The following GAS6 variants were observed in gnomAD, a reference collection of about 807,000 sequenced individuals.
The protein encoded by GAS6 is growth arrest specific 6.
In GAS6, 41 loss-of-function variants were observed where a neutral mutation model predicts 75.8. That is an observed-to-expected ratio of 0.54 (90% CI 0.42 to 0.70). The LOEUF is 0.70. Ranked by LOEUF, GAS6 falls within the 30% of genes least tolerant of loss-of-function variation. GAS6 has a pLI of 0.00. For synonymous variants in GAS6, 432 were observed against 412.6 expected (o/e 1.05, Z -0.57); for missense variants, 854 against 940.2 (o/e 0.91, Z 1.20).
intron 4 of GAS6, chr13:113,843,189 C>T (rs1594204282): frequency 4.2e-6 from 1 of 240,940 alleles, no homozygotes; most frequent in Middle Eastern, 1.2e-3. Context: ...CCGCCCACCT[C>T]CCTGATCCCC....
intron 13 of GAS6, 175 bp from the exon 14 acceptor site, chr13:113,822,361 A>C: frequency 4.0e-6 from 2 of 495,988 alleles, no homozygotes; most frequent in Non-Finnish European, 7.0e-6. Flanking sequence ...CCCCCACCCC[A>C]CCTGGGGCTC....
chr13:113,834,438 C>T, intron 8 of GAS6, 113 bp downstream of exon 8: 1 of 1,132,942 alleles, frequency 8.8e-7, no homozygotes, highest in Non-Finnish European at 1.2e-6. Context: ...CCTGGAGATC[C>T]CCAACACCTT....
chr13:113,824,653 C>T (rs2051511091), intron 12 of GAS6, among the ~76,000 whole-genome samples: 1 of 152,178 alleles, frequency 6.6e-6, no homozygotes, highest in African/African-American at 2.4e-5. Context: ...CCTCGCACTG[C>T]AGGCCAAGGT....
At chr13:113,860,737 G>A (rs1031758537) in intron 2 of GAS6, among the ~76,000 whole-genome samples, 2 of 152,180 alleles carry the variant, frequency 1.3e-5, no homozygotes, top group Non-Finnish European at 2.9e-5. Flanking sequence ...GCCCAGCCTG[G>A]AGGAATGTCG....
chr13:113,855,047 A>G lies in GAS6; in HGVS notation c.256-6997T>C, dbSNP rs546257949. On this transcript the variant is annotated intron_variant, in intron 2 of 14. Coordinates refer to ENST00000327773, the MANE Select transcript of GAS6 (RefSeq NM_000820.4). ...AGAGGAAGTGGGATGTCTCACTGCA[A>G]ATGCTTTGGGAAAAACAAGACAGTG... 1.2e-4 allele frequency among the ~76,000 whole-genome samples: 18 copies of G among 152,358 alleles called. No homozygotes were observed. In the South Asian group the frequency reaches 3.7e-3, roughly 32 times the overall value.
Position 113,820,550 on chromosome 13 carries a change from T to G in GAS6, c.*314A>C, listed in dbSNP as rs1019404239. The G allele has an allele frequency of 9.7e-5, 33 of 341,772 alleles. No homozygotes were observed. Among genetic ancestry groups the G allele is most frequent in the Non-Finnish European group, 1.6e-4 (29 of 185,474 alleles). 21.2% of individuals were successfully genotyped at this position (341,772 alleles called of 1,614,324 possible). ...GGAGCAGATGACGGCCACGCGGTGT[T>G]ACAAAGCTTTCTGTAAATATTTTAT... On this transcript the variant is annotated 3_prime_UTR_variant, in exon 15 of 15. Coordinates refer to ENST00000327773, the MANE Select transcript of GAS6 (RefSeq NM_000820.4).
chr13:113,861,038 G>A (rs2051967133), intron 2 of GAS6, among the ~76,000 whole-genome samples: 1 of 151,934 alleles, frequency 6.6e-6, no homozygotes, highest in Non-Finnish European at 1.5e-5. Context: ...AGGGGTGCCG[G>A]GCTTAGTATC....
chr13:113,821,190 G>A, intron 14 of GAS6, 172 bp from the exon 15 acceptor site: 2 of 676,836 alleles, frequency 3.0e-6, no homozygotes, highest in South Asian at 3.7e-5. Context: ...AGACCCGGCA[G>A]ACAAGCAGGA....
rs1376635359 is a variant in GAS6 at position 113,836,683 on chromosome 13, G to A, written c.590-1048C>T. On this transcript the variant is annotated intron_variant, in intron 6 of 14. Coordinates refer to ENST00000327773, the MANE Select transcript of GAS6 (RefSeq NM_000820.4). ...AGGAGGAGGGGGAAAAAGAGGAGGG[G>A]GAATGAGGAGGAAGAAGAGGGGAAT... is the stretch of plus-strand genomic sequence containing the variant. Among the ~76,000 whole-genome samples, 3 of 1,936 alleles carry A rather than the reference G, an allele frequency of 1.5e-3. 1 individual carries two copies. The highest frequency in any genetic ancestry group is 0.011 in the African/African-American group (3 of 282). 1.3% of individuals were successfully genotyped at this position (1,936 alleles called of 152,430 possible). A position where few individuals can be genotyped will look rare whatever the true frequency, so the allele number is the denominator to read the frequency against.
intron 2 of GAS6, among the ~76,000 whole-genome samples, chr13:113,860,133 T>A (rs894161435): frequency 6.6e-6 from 1 of 152,050 alleles, no homozygotes; most frequent in Non-Finnish European, 1.5e-5. Flanking sequence ...AGAGAGAGAC[T>A]GGGACAGAGA....
In GAS6 at chr13:113,820,823, C is replaced by G. The variant is rs746495396; in HGVS notation, c.*41G>C. On this transcript the variant is annotated 3_prime_UTR_variant, in exon 15 of 15. Coordinates refer to ENST00000327773, the MANE Select transcript of GAS6 (RefSeq NM_000820.4). ...GAGCCCCCAGGCTCCTCCCGGCTGT[C>G]TCGGACAGAGACTGAGAAGCCTGCC... The G allele has an allele frequency of 5.0e-6, 8 of 1,594,668 alleles. No homozygotes were observed. The South Asian group carries it at 6.6e-5, about 13-fold the overall frequency.
intron 4 of GAS6, chr13:113,840,702 A>G (rs2051766031): frequency 6.6e-6 from 1 of 152,290 alleles, no homozygotes; most frequent in Non-Finnish European, 1.5e-5. Context: ...CCGGAGCTCA[A>G]AGAATCCTTT....
intron 6 of GAS6, chr13:113,835,869 G>T: frequency 7.4e-7 from 1 of 1,359,558 alleles, no homozygotes; most frequent in Non-Finnish European, 9.5e-7. Context: ...CAGCCCAGCA[G>T]GTGGAGAGCT....
In GAS6 at chr13:113,821,216, G is replaced by C. The variant is rs560143482; in HGVS notation, c.1883-198C>G. 6.9e-4 allele frequency: 417 copies of C among 608,364 alleles called. 1 individual carries two copies. In the African/African-American group the frequency reaches 7.2e-3, roughly 11 times the overall value. 37.7% of individuals were successfully genotyped at this position (608,364 alleles called of 1,614,324 possible). A position where few individuals can be genotyped will look rare whatever the true frequency, so the allele number is the denominator to read the frequency against. On this transcript the variant is annotated intron_variant, in intron 14 of 14. Transcript: ENST00000327773. The stretch of plus-strand genomic sequence containing the variant: ...ACAAGCAGGAGGCATCTGCCAGCCT[G>C]GGCTCTGCAGACGCCAGCCCTCCCT...
chr13:113,839,972 A>C (rs1016568707), intron 4 of GAS6, 122 bp from the exon 5 acceptor site: 92 of 1,414,076 alleles, frequency 6.5e-5, no homozygotes, highest in Non-Finnish European at 8.8e-6. Flanking sequence ...TGAGGGGCGC[A>C]GGCTGAGGCA....
rs1230808562 is a variant in GAS6 at position 113,863,477 on chromosome 13, C to T, written c.255+98G>A. 14 of 1,234,912 alleles carry T rather than the reference C, an allele frequency of 1.1e-5. No homozygotes were observed. Among genetic ancestry groups the T allele is most frequent in the Non-Finnish European group, 1.3e-5 (12 of 955,194 alleles). The allele number at this position is 1,234,912 out of a possible 1,614,324, so 76.5% of individuals were successfully genotyped here. A position where few individuals can be genotyped will look rare whatever the true frequency, so the allele number is the denominator to read the frequency against. On this transcript the variant is annotated intron_variant, in intron 2 of 14. Transcript: ENST00000327773. This position sits in a 1 kb window ranked among gnomAD's most constrained non-coding sequence, Gnocchi z 9.4. Reference sequence around the variant, plus strand: ...GGGACCCTGAGGCCAGGCCTCGCCGCGCGGAGCTGGGGGGCGGCAGCAGCG... The same window carrying T: ...GGGACCCTGAGGCCAGGCCTCGCCGTGCGGAGCTGGGGGGCGGCAGCAGCG...
intron 2 of GAS6, among the ~76,000 whole-genome samples, chr13:113,851,011 A>G (rs2051869000): frequency 6.6e-6 from 1 of 152,018 alleles, no homozygotes; most frequent in Non-Finnish European, 1.5e-5. Flanking sequence ...GAATCAGTGG[A>G]TGAATGAGTG....
rs754031122 is a variant in GAS6, at chr13:113,823,390, C to T, written c.1638G>A (p.Lys546=). 1.2e-6 allele frequency: 2 copies of T among 1,610,982 alleles called. No homozygotes were observed. Among genetic ancestry groups the T allele is most frequent in the East Asian group, 4.5e-5 (2 of 44,804 alleles). ...SVALVDYHST[K]KLKKQLVVLA... ...GAGGCCCTACCTGCTTCTTGAGTTT[C>T]TTCGTGGAGTGATAGTCTACCAGTG... The change falls in exon 13 of 15, where the codon AAG becomes AAA. Residue 546 remains lysine, a synonymous_variant. Transcript: ENST00000327773.
chr13:113,838,326 G>T, intron 5 of GAS6, 135 bp from the exon 6 acceptor site: 1 of 1,070,636 alleles, frequency 9.3e-7, no homozygotes, highest in Non-Finnish European at 1.4e-6. Context: ...CAGCCCTGGA[G>T]CAGAGAGAGA....
Sources: gnomAD v4.1 joint callset for allele counts (sites outside exome capture counted in the v4.1 genomes callset) on GRCh38, gnomAD v4.1.1 for gene constraint, Gnocchi (gnomAD v3.1) non-coding constraint, MANE v1.5 for transcripts, NCBI Gene and HGNC (gene_info 2026-07-23, HGNC 2026-07-21) for gene names.